The following SLC44A2 variants were observed in gnomAD, a reference collection of about 807,000 sequenced individuals.
SLC44A2 encodes the protein solute carrier family 44 member 2 (CTL2 blood group).
SLC44A2 carries 57 observed loss-of-function variants against 90.8 expected under a neutral mutation model. The ratio of observed to expected loss-of-function variants is 0.63; its 90% CI spans 0.51 to 0.78. The LOEUF (loss-of-function observed/expected upper bound fraction) is 0.78. Ranked by LOEUF, SLC44A2 falls within the 30% of genes least tolerant of loss-of-function variation. The pLI is 0.00. For missense variants in SLC44A2, 794 were observed against 919.7 expected (o/e 0.86, Z 1.77); for synonymous variants, 355 against 360.7 (o/e 0.98, Z 0.18).
intron 1 of SLC44A2, among the ~76,000 whole-genome samples, chr19:10,618,435 A>G (rs1480289772): frequency 1.4e-5 from 2 of 140,834 alleles, no homozygotes; most frequent in Admixed American, 1.5e-4. Context: ...TCGCCTCCCA[A>G]AAGTGCTGGG....
chr19:10,629,553 C>T (rs1395588564), intron 4 of SLC44A2, among the ~76,000 whole-genome samples: 4 of 151,208 alleles, frequency 2.6e-5, no homozygotes, highest in African/African-American at 7.3e-5. Context: ...GCTGGTATTA[C>T]GGGTGTGAGC....
At chr19:10,637,805 C>G in intron 17 of SLC44A2, 51 bp from the exon 18 acceptor site, 1 of 1,611,954 alleles carries the variant, frequency 6.2e-7, no homozygotes, top group Non-Finnish European at 8.5e-7. Flanking sequence ...GAGAGGACCA[C>G]CCCCCATGCC....
chr19:10,628,199 A>G (rs1290325976), intron 4 of SLC44A2, among the ~76,000 whole-genome samples, 195 bp downstream of exon 4: 1 of 152,192 alleles, frequency 6.6e-6, no homozygotes, highest in Non-Finnish European at 1.5e-5. Flanking sequence ...AGCCTGGCCA[A>G]CATGGCAAAA....
At chr19:10,610,987 ATATT>A (rs1212857868) in intron 1 of SLC44A2, among the ~76,000 whole-genome samples, 2 of 151,508 alleles carry the variant, frequency 1.3e-5, no homozygotes, top group African/African-American at 4.8e-5. Context: ...GGTGAACATG[ATATT>A]TATTTATTTA....
In SLC44A2 at chr19:10,631,716, G is replaced by A. The variant is rs779807584; in HGVS notation, c.593G>A (p.Arg198Gln). 2.2e-5 allele frequency: 35 copies of A among 1,612,926 alleles called. No homozygotes were observed. Among genetic ancestry groups the A allele is most frequent in the African/African-American group, 6.7e-5 (5 of 74,944 alleles). ...ETTYEDGHGS[R>Q]KNITDLVEGA... ...ACCTATGAGGATGGGCATGGCTCCC[G>A]GAAAAACATCACAGACCTGGTGGAG... The change falls in exon 8 of 22, where the codon CGG becomes CAG. Residue 198 changes from arginine to glutamine, a missense_variant. Coordinates refer to ENST00000335757, the MANE Select transcript of SLC44A2 (RefSeq NM_020428.4).
chr19:10,629,778 G>A (rs1057196470), intron 4 of SLC44A2, among the ~76,000 whole-genome samples: 5 of 149,902 alleles, frequency 3.3e-5, no homozygotes, highest in Non-Finnish European at 5.9e-5. Context: ...TTTTGAGACA[G>A]AGTCTCGCTC....
At chr19:10,638,136 T>G in intron 19 of SLC44A2, 43 bp downstream of exon 19, 1 of 1,613,560 alleles carries the variant, frequency 6.2e-7, no homozygotes, top group South Asian at 1.1e-5. Context: ...GGGAGCCTGA[T>G]TTCTGTCTTC....
chr19:10,643,431 G>A lies in SLC44A2; in HGVS notation c.*46G>A, dbSNP rs1337592409. 3.8e-6 allele frequency: 6 copies of A among 1,571,452 alleles called. No individual in the cohort carries two copies. Among genetic ancestry groups the A allele is most frequent in the African/African-American group, 1.4e-5 (1 of 73,688 alleles). ...CTCAAGGAGTCTCATGCCGCAGGGTGCTCAGTAGCTGGGTCTGTTCCCCCA... is the reference window on the plus strand; with the variant it reads ...CTCAAGGAGTCTCATGCCGCAGGGTACTCAGTAGCTGGGTCTGTTCCCCCA... On this transcript the variant is annotated 3_prime_UTR_variant, in exon 22 of 22. Transcript: ENST00000335757.
At chr19:10,634,731 C>T (rs769652365) in intron 10 of SLC44A2, 25 bp from the exon 11 acceptor site, 1 of 1,614,070 alleles carries the variant, frequency 6.2e-7, no homozygotes, top group Non-Finnish European at 8.5e-7. Flanking sequence ...CACTGCTGGA[C>T]TGAGCTTGTG....
At chr19:10,635,374 C>T (rs888253230) in intron 13 of SLC44A2, 57 bp from the exon 14 acceptor site, 53 of 1,609,312 alleles carry the variant, frequency 3.3e-5, no homozygotes, top group Non-Finnish European at 4.4e-5. Flanking sequence ...GATTCTTTCC[C>T]ACAAAAGTCC....
intron 20 of SLC44A2, 72 bp downstream of exon 20, chr19:10,638,387 T>A: frequency 7.4e-7 from 1 of 1,359,694 alleles, no homozygotes; most frequent in Non-Finnish European, 1.1e-6. Context: ...CTTCTTTGAC[T>A]AGATAAATGT....
chr19:10,618,159 C>T (rs538103811), intron 1 of SLC44A2, among the ~76,000 whole-genome samples: 206 of 147,096 alleles, frequency 1.4e-3, no homozygotes, highest in African/African-American at 4.9e-3. Flanking sequence ...CGCCTGCCAC[C>T]ATGCCTGGCT....
At chr19:10,637,329 G>C (rs868101045) in intron 16 of SLC44A2, among the ~76,000 whole-genome samples, 3 of 152,104 alleles carry the variant, frequency 2.0e-5, no homozygotes, top group African/African-American at 7.2e-5. Context: ...TCCAGCCTGG[G>C]CAACAGAGCG....
chr19:10,619,752 G>A lies in SLC44A2; in HGVS notation c.32-6501G>A, dbSNP rs527881764. ...GCGGATTGCCTGAGCTCAGGAGTTC[G>A]CGACTAGCCTGGGCAACACAGTGAA... On this transcript the variant is annotated intron_variant, in intron 1 of 21. Coordinates refer to the SLC44A2 transcript ENST00000407327. Among the ~76,000 whole-genome samples, 8 of 152,192 alleles carry A rather than the reference G, an allele frequency of 5.3e-5. No homozygotes were observed. The East Asian group carries it at 1.4e-3, about 26-fold the overall frequency.
At chr19:10,626,980 A>T (rs1030280106) in intron 2 of SLC44A2, among the ~76,000 whole-genome samples, 2 of 151,934 alleles carry the variant, frequency 1.3e-5, no homozygotes, top group African/African-American at 4.8e-5. Flanking sequence ...ACTGCACTCC[A>T]GCCTGGAGGA....
chr19:10,630,394 C>T (rs1047084381), intron 4 of SLC44A2, among the ~76,000 whole-genome samples: 2 of 151,978 alleles, frequency 1.3e-5, no homozygotes, highest in Non-Finnish European at 2.9e-5. Context: ...CAGTGGCTCA[C>T]GCATATAATC....
chr19:10,602,540 G>A (rs774050584), exon 1 of SLC44A2: 44 of 1,280,718 alleles, frequency 3.4e-5, no homozygotes, highest in South Asian at 1.1e-4. Context: ...CATGGAGGAC[G>A]AGCGGAAAAA....
At chr19:10,626,353 C>T (rs1326014737) in intron 2 of SLC44A2, 52 bp downstream of exon 2, 1 of 1,337,268 alleles carries the variant, frequency 7.5e-7, no homozygotes, top group Admixed American at 1.7e-5. Context: ...ACCCCAATCC[C>T]TGTCTCTTCA....
chr19:10,635,265 C>T lies in SLC44A2; in HGVS notation c.1148+10C>T, dbSNP rs777292073. On this transcript the variant is annotated intron_variant, in intron 13 of 21. Transcript: ENST00000335757. ...GGGCCAGCACTGCTGTGTATCTGCC[C>T]CCAGACACTGATCTCTGACCCCAGG... is the stretch of plus-strand genomic sequence containing the variant. 1.9e-6 allele frequency: 3 copies of T among 1,613,890 alleles called. No homozygotes were observed. The highest frequency in any genetic ancestry group is 2.2e-5 in the East Asian group (1 of 44,892).
Sources: gnomAD v4.1 joint callset for allele counts (sites outside exome capture counted in the v4.1 genomes callset) on GRCh38, gnomAD v4.1.1 for gene constraint, MANE v1.5 for transcripts, NCBI Gene and HGNC (gene_info 2026-07-23, HGNC 2026-07-21) for gene names.